ZBTB8OS: variants seen among roughly 807,000 people sequenced by gnomAD.
ZBTB8OS encodes tRNA splicing ligase complex subunit 1, also known as tRNA-splicing ligase-activating factor archease.
In ZBTB8OS, 16 loss-of-function variants were observed where a neutral mutation model predicts 29.3. The ratio of observed to expected loss-of-function variants is 0.55; its 90% CI spans 0.37 to 0.83. The LOEUF (loss-of-function observed/expected upper bound fraction) is 0.83. Among genes scored for constraint, ZBTB8OS ranks in the 40% least tolerant of loss-of-function variants. ZBTB8OS has a pLI of 0.00. For synonymous variants in ZBTB8OS, 70 were observed against 64.6 expected (o/e 1.08, Z -0.40); for missense variants, 160 against 196.9 (o/e 0.81, Z 1.12).
rs78907409 is a variant in ZBTB8OS, at chr1:32,621,966, GA to G, written c.418-19del. 144,890 of 874,250 alleles carry G rather than the reference GA, an allele frequency of 0.17. 251 individuals are homozygous for G. Among genetic ancestry groups the G allele is most frequent in the African/African-American group, 0.23 (9,334 of 40,588 alleles). 54.2% of individuals were successfully genotyped at this position (874,250 alleles called of 1,614,324 possible). On this transcript the variant is annotated intron_variant, in intron 6 of 6. Coordinates refer to ENST00000468695, the MANE Select transcript of ZBTB8OS (RefSeq NM_178547.5). Reference sequence around the variant, plus strand: ...TCTGTTCCCTAAAGTTGGGGTTAGAGAAAAAAAAAAAAAAAAGGAAAATAGG... The same window carrying G: ...TCTGTTCCCTAAAGTTGGGGTTAGAGAAAAAAAAAAAAAAAGGAAAATAGG...
Position 32,627,553 on chromosome 1 carries a change from T to C in ZBTB8OS, c.381-9A>G, listed in dbSNP as rs753284494. ...AAAATTCTTCTCCCCACCTTGAGAA[T>C]ACAAATTAAAACATGATTAAGATTT... On this transcript the variant is annotated splice_polypyrimidine_tract_variant and intron_variant, in intron 5 of 6. Coordinates refer to ENST00000468695, the MANE Select transcript of ZBTB8OS (RefSeq NM_178547.5). 1.2e-6 allele frequency: 2 copies of C among 1,612,528 alleles called. No individual in the cohort carries two copies. Among genetic ancestry groups the C allele is most frequent in the Non-Finnish European group, 1.7e-6 (2 of 1,178,694 alleles).
intron 5 of ZBTB8OS, among the ~76,000 whole-genome samples, chr1:32,629,407 C>A (rs1213441648): frequency 1.3e-5 from 2 of 151,722 alleles, no homozygotes; most frequent in Admixed American, 6.6e-5. Context: ...CAAAGCAAAA[C>A]CCTCTCTCAA....
At chr1:32,647,691 G>C (rs1646963031) in intron 1 of ZBTB8OS, among the ~76,000 whole-genome samples, 1 of 152,276 alleles carries the variant, frequency 6.6e-6, no homozygotes, top group African/African-American at 2.4e-5. Context: ...AGGGATCTAG[G>C]CTGTGTGCTC....
intron 1 of ZBTB8OS, among the ~76,000 whole-genome samples, chr1:32,648,667 A>AT (rs986702085): frequency 1.6e-4 from 24 of 151,704 alleles, no homozygotes; most frequent in Non-Finnish European, 1.8e-4. Context: ...ATTAAAAATA[A>AT]TTTTTTTTTG....
intron 1 of ZBTB8OS, among the ~76,000 whole-genome samples, chr1:32,640,622 C>G (rs1646320638): frequency 6.6e-6 from 1 of 152,090 alleles, no homozygotes; most frequent in Non-Finnish European, 1.5e-5. Flanking sequence ...CCAAGTGATA[C>G]TTCTGCCTCA....
rs769172309 is a variant in ZBTB8OS at position 32,643,377 on chromosome 1, G to C, written c.97+7056C>G. 8.1e-4 allele frequency among the ~76,000 whole-genome samples: 65 copies of C among 79,824 alleles called. No homozygotes were observed. In the Admixed American group the frequency reaches 9.7e-3, roughly 12 times the overall value. 52.4% of individuals were successfully genotyped at this position (79,824 alleles called of 152,430 possible). A position where few individuals can be genotyped will look rare whatever the true frequency, so the allele number is the denominator to read the frequency against. ...TATTAGCCACTGCACTTGGCCTTTA[G>C]TTTTTGTTTTAGTTTTTGGTTTTTT... On this transcript the variant is annotated intron_variant, in intron 1 of 6. Transcript: ENST00000468695.
chr1:32,640,868 G>C (rs1334570953), intron 1 of ZBTB8OS, among the ~76,000 whole-genome samples: 2 of 152,030 alleles, frequency 1.3e-5, no homozygotes, highest in Admixed American at 1.3e-4. Context: ...TGATGTGACA[G>C]ATCACTGTTC....
chr1:32,635,986 T>C (rs1055011239), intron 1 of ZBTB8OS, among the ~76,000 whole-genome samples: 5 of 152,158 alleles, frequency 3.3e-5, no homozygotes, highest in Non-Finnish European at 7.3e-5. Flanking sequence ...CCTCCCCAAA[T>C]TGCTCTCGTG....
intron 1 of ZBTB8OS, among the ~76,000 whole-genome samples, chr1:32,643,979 C>T (rs2148453920): frequency 6.6e-6 from 1 of 151,984 alleles, no homozygotes; most frequent in East Asian, 1.9e-4. Context: ...TAGCCGGCGA[C>T]CTAGAGACGG....
At chr1:32,640,158 G>A (rs1646287532) in intron 1 of ZBTB8OS, 2 of 152,020 alleles carry the variant, frequency 1.3e-5, no homozygotes, top group East Asian at 1.9e-4. Flanking sequence ...GTGCAGTGGT[G>A]CAATATCAGC....
chr1:32,622,582 G>A (rs1296293925), intron 6 of ZBTB8OS, among the ~76,000 whole-genome samples: 3 of 152,046 alleles, frequency 2.0e-5, no homozygotes, highest in African/African-American at 7.2e-5. Flanking sequence ...AGTTGGGGGA[G>A]GGTGAGGATT....
intron 4 of ZBTB8OS, 166 bp downstream of exon 4, chr1:32,633,479 G>C: frequency 1.8e-6 from 1 of 554,098 alleles, no homozygotes; most frequent in Non-Finnish European, 3.2e-6. Context: ...GGCAAATGCA[G>C]GTTAACCAGG....
chr1:32,623,769 A>C (rs7518166), intron 6 of ZBTB8OS, among the ~76,000 whole-genome samples: 4,601 of 152,228 alleles, frequency 0.03, 232 homozygotes, highest in African/African-American at 0.1. Context: ...TCACCTAGAA[A>C]GTTCTTCCTT....
rs1383161381 is a variant in ZBTB8OS, at chr1:32,649,670, T to C, written c.97+763A>G. On this transcript the variant is annotated intron_variant, in intron 1 of 6. Coordinates refer to ENST00000468695, the MANE Select transcript of ZBTB8OS (RefSeq NM_178547.5). ...CACACACACACACACACACACACAT[T>C]TTTTTTTTTTTTTGAGACAGAGTTT... Among the ~76,000 whole-genome samples, 97 of 118,874 alleles carry C rather than the reference T, an allele frequency of 8.2e-4. 1 individual carries two copies. Among genetic ancestry groups the C allele is most frequent in the African/African-American group, 4.6e-3 (88 of 19,182 alleles). 78.0% of individuals were successfully genotyped at this position (118,874 alleles called of 152,430 possible). A position where few individuals can be genotyped will look rare whatever the true frequency, so the allele number is the denominator to read the frequency against.
At position 32,650,392 on chromosome 1, in the gene ZBTB8OS, G is replaced by C. The variant is rs111704633; in HGVS notation, c.97+41C>G. ...CCGCGGGTAAGGAGAGGGGATGCCT[G>C]TGTGCTTACATGTAAAGAGAGAAGT... On this transcript the variant is annotated intron_variant, in intron 1 of 6. Coordinates refer to ENST00000468695, the MANE Select transcript of ZBTB8OS (RefSeq NM_178547.5). 8.7e-6 allele frequency: 14 copies of C among 1,612,656 alleles called. No individual in the cohort carries two copies. In the African/African-American group the frequency reaches 1.6e-4, roughly 18 times the overall value.
Position 32,634,002 on chromosome 1 carries a change from T to C in ZBTB8OS, c.193A>G (p.Thr65Ala). Residue 65 changes from threonine (T) to alanine (A), a missense_variant, in exon 3 of 7, where the codon ACA (threonine) becomes GCA (alanine). Coordinates refer to ENST00000468695, the MANE Select transcript of ZBTB8OS (RefSeq NM_178547.5). ...AGGGGCTCCACTGTCCCAGTATCTG[T>C]CATGTAACCAAACATGGCCATTGCA... ...QCAMAMFGYMTDTGTVEPLQT... is the reference protein window; with the variant it reads ...QCAMAMFGYMADTGTVEPLQT... The C allele has an allele frequency of 6.3e-7, 1 of 1,599,962 alleles. No individual in the cohort carries two copies. The highest frequency in any genetic ancestry group is 8.5e-7 in the Non-Finnish European group (1 of 1,176,818).
intron 5 of ZBTB8OS, among the ~76,000 whole-genome samples, chr1:32,629,825 T>C (rs1321205983): frequency 1.3e-5 from 2 of 148,448 alleles, no homozygotes; most frequent in African/African-American, 5.0e-5. Context: ...CAATCTTGGC[T>C]CACTGCAACC....
chr1:32,627,919 C>T (rs2148327423), intron 5 of ZBTB8OS: 1 of 180,576 alleles, frequency 5.5e-6, no homozygotes, highest in East Asian at 1.6e-4. Context: ...GTGGCACATG[C>T]CTGTGGTCCC....
At chr1:32,633,326 A>G in intron 4 of ZBTB8OS, 1 of 221,456 alleles carries the variant, frequency 4.5e-6, no homozygotes, top group Non-Finnish European at 8.8e-6. Flanking sequence ...GTTCAAGACT[A>G]GCCTCGACAA....
Sources: gnomAD v4.1 joint callset for allele counts (sites outside exome capture counted in the v4.1 genomes callset) on GRCh38, gnomAD v4.1.1 for gene constraint, MANE v1.5 for transcripts, NCBI Gene and HGNC (gene_info 2026-07-23, HGNC 2026-07-21) for gene names.